FGF14: variants seen among roughly 807,000 people sequenced by gnomAD.
FGF14 encodes fibroblast growth factor 14.
FGF14 carries 5 observed loss-of-function variants against 25.5 expected under a neutral mutation model. The observed-to-expected ratio is 0.20, with a 90% confidence interval of 0.10 to 0.41. FGF14 has a LOEUF of 0.41. Ranked by LOEUF, FGF14 falls within the 10% of genes least tolerant of loss-of-function variation. The pLI, the probability that FGF14 is intolerant of heterozygous loss-of-function variation, is 1.00. For synonymous variants in FGF14, 138 were observed against 118.3 expected (o/e 1.17, Z -1.08); for missense variants, 222 against 320.1 (o/e 0.69, Z 2.34).
chr13:102,379,547 T>A (rs1377930985), intron 1 of FGF14, among the ~76,000 whole-genome samples: 1 of 151,674 alleles, frequency 6.6e-6, no homozygotes, highest in Non-Finnish European at 1.5e-5. Flanking sequence ...CAAACACACA[T>A]ATACACATCC....
intron 3 of FGF14, among the ~76,000 whole-genome samples, chr13:101,816,013 T>G (rs1240767245): frequency 2.1e-5 from 2 of 96,918 alleles, no homozygotes; most frequent in Non-Finnish European, 4.8e-5. Context: ...GGCTCACGCC[T>G]GTATCCTAGC....
At chr13:101,922,309 C>G (rs140342869) in intron 1 of FGF14, among the ~76,000 whole-genome samples, 1 of 152,106 alleles carries the variant, frequency 6.6e-6, no homozygotes, top group Non-Finnish European at 1.5e-5. Flanking sequence ...TAGGATACAC[C>G]GAAAATACTT....
rs1445658938 is a variant in FGF14 at position 102,056,050 on chromosome 13, A to T, written c.209-180754T>A. Among the ~76,000 whole-genome samples the T allele has an allele frequency of 2.0e-5, 3 of 152,224 alleles. No homozygotes were observed. In the East Asian group the frequency reaches 5.8e-4, roughly 29 times the overall value. On this transcript the variant is annotated intron_variant, in intron 1 of 4. Transcript: ENST00000376131. Reference sequence around the variant, plus strand: ...TTATCTCCCACTGGGTCCCTCCCACATGTGGGAATTATGGGAGCTACAATT... The same window carrying T: ...TTATCTCCCACTGGGTCCCTCCCACTTGTGGGAATTATGGGAGCTACAATT...
chr13:101,893,558 A>G (rs552082646), intron 1 of FGF14, among the ~76,000 whole-genome samples: 6 of 152,274 alleles, frequency 3.9e-5, no homozygotes, highest in African/African-American at 1.4e-4. Flanking sequence ...GGGTGTGTCC[A>G]GTGTAATAAC....
intron 3 of FGF14, among the ~76,000 whole-genome samples, chr13:101,822,394 TAG>T (rs2042197062): frequency 6.6e-6 from 1 of 152,084 alleles, no homozygotes; most frequent in Non-Finnish European, 1.5e-5. Flanking sequence ...CATTGGCTCT[TAG>T]TAAATCTTGA....
chr13:102,288,136 T>C (rs907789442), intron 1 of FGF14, among the ~76,000 whole-genome samples: 1 of 152,230 alleles, frequency 6.6e-6, no homozygotes, highest in Non-Finnish European at 1.5e-5. Context: ...GACTTCATTT[T>C]CTCCAGCTTT....
intron 1 of FGF14, among the ~76,000 whole-genome samples, chr13:101,943,033 A>T: frequency 6.6e-6 from 1 of 152,202 alleles, no homozygotes; most frequent in East Asian, 1.9e-4. Context: ...TCAGCTTCCC[A>T]TAGCCATGGT....
At chr13:102,058,995 A>C (rs2042560464) in intron 1 of FGF14, among the ~76,000 whole-genome samples, 1 of 152,092 alleles carries the variant, frequency 6.6e-6, no homozygotes, top group Non-Finnish European at 1.5e-5. Flanking sequence ...CTATGTGGTC[A>C]CAAGTATATA....
intron 3 of FGF14, among the ~76,000 whole-genome samples, chr13:101,737,045 T>TTTTTTTTTTTTG (rs2036237960): frequency 7.2e-6 from 1 of 139,786 alleles, no homozygotes; most frequent in African/African-American, 2.5e-5. Flanking sequence ...TTCATTATTT[T>TTTTTTTTTTTTG]AGCCTTATGT....
At chr13:102,152,800 G>A (rs2140511523) in intron 1 of FGF14, among the ~76,000 whole-genome samples, 1 of 152,290 alleles carries the variant, frequency 6.6e-6, no homozygotes, top group Non-Finnish European at 1.5e-5. Context: ...GCTTACCTTT[G>A]TGCAGTGATG....
chr13:102,128,379 G>A (rs72665322), intron 1 of FGF14, among the ~76,000 whole-genome samples: 1,938 of 152,314 alleles, frequency 0.013, 18 homozygotes, highest in Non-Finnish European at 0.02. Context: ...GCCTGTGGCT[G>A]ACAAGTGGAT....
Position 102,219,255 on chromosome 13 carries a change from T to C in FGF14, c.208+182216A>G, listed in dbSNP as rs148529666. ...ATTTTCTGTTTCCTGTGTGGGCCTTTGGGTGTTGCGTCCACTCCCAGCATC... is the reference window on the plus strand; with the variant it reads ...ATTTTCTGTTTCCTGTGTGGGCCTTCGGGTGTTGCGTCCACTCCCAGCATC... On this transcript the variant is annotated intron_variant, in intron 1 of 4. Coordinates refer to the FGF14 transcript ENST00000376131. Among the ~76,000 whole-genome samples, 22 of 152,344 alleles carry C rather than the reference T, an allele frequency of 1.4e-4. No homozygotes were observed. The East Asian group carries it at 3.9e-3, about 27-fold the overall frequency.
At chr13:101,814,805 A>G (rs1013608812) in intron 3 of FGF14, among the ~76,000 whole-genome samples, 1 of 152,204 alleles carries the variant, frequency 6.6e-6, no homozygotes, top group African/African-American at 2.4e-5. Flanking sequence ...AGTGATGGCT[A>G]TTTGGGTTGT....
chr13:102,028,238 T>C (rs1442086542), intron 1 of FGF14, among the ~76,000 whole-genome samples: 1 of 152,070 alleles, frequency 6.6e-6, no homozygotes, highest in Non-Finnish European at 1.5e-5. Flanking sequence ...GTCACTAATG[T>C]GCTGGTATGA....
intron 1 of FGF14, among the ~76,000 whole-genome samples, chr13:102,252,160 C>T (rs747313850): frequency 1.3e-5 from 2 of 152,126 alleles, no homozygotes; most frequent in Non-Finnish European, 2.9e-5. Context: ...GAGCCACTTG[C>T]GAAATGTAGG....
intron 1 of FGF14, among the ~76,000 whole-genome samples, chr13:102,084,057 T>C (rs2043770982): frequency 6.6e-6 from 1 of 152,098 alleles, no homozygotes; most frequent in Admixed American, 6.6e-5. Flanking sequence ...ATAAATTATA[T>C]CTCATCTGAA....
chr13:102,293,708 C>T (rs937166193), intron 1 of FGF14: 4 of 152,150 alleles, frequency 2.6e-5, no homozygotes, highest in African/African-American at 9.7e-5. Flanking sequence ...TGTTTTATAA[C>T]ATTTTACTGA....
chr13:101,797,022 C>G (rs566236560), intron 3 of FGF14, among the ~76,000 whole-genome samples: 1 of 152,180 alleles, frequency 6.6e-6, no homozygotes, highest in African/African-American at 2.4e-5. Context: ...AAGCCAGACC[C>G]AGCACCCAAC....
intron 1 of FGF14, among the ~76,000 whole-genome samples, chr13:102,223,512 T>A (rs1465101392): frequency 1.3e-5 from 2 of 152,214 alleles, no homozygotes; most frequent in African/African-American, 4.8e-5. Flanking sequence ...TTATTTAGAT[T>A]TGATATGATA....
Sources: allele counts gnomAD v4.1 joint callset (sites outside exome capture counted in the v4.1 genomes callset), GRCh38; gene constraint gnomAD v4.1.1; transcripts MANE v1.5; gene names NCBI Gene and HGNC (gene_info 2026-07-23, HGNC 2026-07-21).